RYR1: variants seen among roughly 807,000 people sequenced by gnomAD.
RYR1 encodes ryanodine receptor 1.
In RYR1, 342 loss-of-function variants were observed where a neutral mutation model predicts 583.5. The observed-to-expected ratio is 0.59, with a 90% CI of 0.54 to 0.64. RYR1 has a LOEUF of 0.64. Among genes scored for constraint, RYR1 ranks in the 30% least tolerant of loss-of-function variants. The pLI, the probability that RYR1 is intolerant of heterozygous loss-of-function variation, is 0.00. For missense variants in RYR1, 6,032 were observed against 6,917.2 expected (o/e 0.87, Z 4.54); for synonymous variants, 2,791 against 2,822.5 (o/e 0.99, Z 0.35).
chr19:38,517,293 G>A lies in RYR1; in HGVS notation c.9686-66G>A, dbSNP rs928170128. The A allele has an allele frequency of 1.1e-5, 16 of 1,520,858 alleles. No homozygotes were observed. The African/African-American group carries it at 1.8e-4, about 17-fold the overall frequency. 94.2% of individuals were successfully genotyped at this position (1,520,858 alleles called of 1,614,324 possible). On this transcript the variant is annotated intron_variant, in intron 65 of 105. Transcript: ENST00000359596. ...CAATGGTGTCTGATGTATTGCGGGG[G>A]AGGCCAGGGCACTGAGGTCTGGGGG...
chr19:38,543,321 G>A lies in RYR1; in HGVS notation c.11690-26G>A. ...TCTCCCCTAGCACATGGGAGGTGCT[G>A]GATAAATGACTTTTCATCTCCCCAG... On this transcript the variant is annotated intron_variant, in intron 84 of 105. Transcript: ENST00000359596. The surrounding 1 kb of genome is among the most constrained non-coding windows in gnomAD (Gnocchi z 4.4). 1 of 1,603,770 alleles carries A rather than the reference G, an allele frequency of 6.2e-7. No individual in the cohort carries two copies. The highest frequency in any genetic ancestry group is 8.5e-7 in the Non-Finnish European group (1 of 1,170,576).
At position 38,458,184 on chromosome 19, in the gene RYR1, C is replaced by G. The variant is rs1296515481; in HGVS notation, c.2059C>G (p.Leu687Val). The change falls in exon 18 of 106, where the codon CTC becomes GTC. Residue 687 changes from leucine to valine, a missense_variant. Around this residue, in one of 11 missense-constraint regions of RYR1, gnomAD observed 2,627 missense variants for 2,961.3 expected, o/e 0.89. Coordinates refer to ENST00000359596, the MANE Select transcript of RYR1 (RefSeq NM_000540.3). ...QATHLRVGWA[L>V]TEGYTPYPGA... is the part of the protein sequence containing the mutation. The stretch of plus-strand genomic sequence containing the variant: ...CACCCACTTGCGGGTGGGCTGGGCC[C>G]TCACCGAGGGCTACACCCCCTACCC... 1 of 1,612,446 alleles carries G rather than the reference C, an allele frequency of 6.2e-7. No homozygotes were observed.
chr19:38,496,460 T>C lies in RYR1; in HGVS notation c.6715T>C (p.Phe2239Leu). 6.2e-7 allele frequency: 1 copy of C among 1,613,820 alleles called. No homozygotes were observed. ...VTSCCRFLCY[F>L]CRISRQNQRS... Reference sequence around the variant, plus strand: ...AAGCTGCTGCCGCTTCCTCTGCTATTTCTGCCGAATCAGCCGGCAGAACCA... The same window carrying C: ...AAGCTGCTGCCGCTTCCTCTGCTATCTCTGCCGAATCAGCCGGCAGAACCA... Residue 2239 changes from phenylalanine to leucine, a missense_variant, in exon 41 of 106, where the codon TTC (phenylalanine) becomes CTC (leucine). This residue lies in a region of RYR1 where 2,627 missense variants were observed against 2,961.3 expected (regional missense o/e 0.89). Transcript: ENST00000359596. The surrounding 1 kb of genome is among the most constrained non-coding windows in gnomAD (Gnocchi z 4.8).
At chr19:38,559,200 T>A (rs1001537115) in intron 89 of RYR1, among the ~76,000 whole-genome samples, 2 of 150,042 alleles carry the variant, frequency 1.3e-5, no homozygotes, top group African/African-American at 4.9e-5. Context: ...GGTGATAGTG[T>A]CCCAGGCGCC....
In RYR1 at chr19:38,451,978, T is replaced by G. The variant is rs1302037213; in HGVS notation, c.1244+93T>G. On this transcript the variant is annotated intron_variant, in intron 12 of 105. Transcript: ENST00000359596. ...TGGCCTCTTTCATCTCTACCTCTGT[T>G]GCCCACACCCTTGTCTAACATATAC... 3.2e-6 allele frequency: 5 copies of G among 1,557,712 alleles called. No homozygotes were observed. The East Asian group carries it at 1.1e-4, about 35-fold the overall frequency.
chr19:38,500,869 A>G lies in RYR1; in HGVS notation c.7493A>G (p.His2498Arg). 6.2e-7 allele frequency: 1 copy of G among 1,606,544 alleles called. No homozygotes were observed. Among genetic ancestry groups the G allele is most frequent in the South Asian group, 1.1e-5 (1 of 90,862 alleles). The part of the protein sequence containing the change: ...PKMSASFVPD[H>R]KASMVLFLDR... ...ATGTCAGCATCCTTCGTGCCGGACCACAAGGCGTCCATGGTGCTCTTCCTG... is the reference window on the plus strand; with the variant it reads ...ATGTCAGCATCCTTCGTGCCGGACCGCAAGGCGTCCATGGTGCTCTTCCTG... The change falls in exon 47 of 106, where the codon CAC (histidine) becomes CGC (arginine). Residue 2498 changes from histidine (H) to arginine (R), a missense_variant. Transcript: ENST00000359596. This position sits in a 1 kb window ranked among gnomAD's most constrained non-coding sequence, Gnocchi z 5.9.
chr19:38,482,697 A>G (rs1969071811), intron 31 of RYR1, among the ~76,000 whole-genome samples: 1 of 151,938 alleles, frequency 6.6e-6, no homozygotes, highest in South Asian at 2.1e-4. Context: ...TGACCCTCCC[A>G]CTTCAGCCTC....
chr19:38,477,734 G>T lies in RYR1; in HGVS notation c.4318G>T (p.Ala1440Ser), dbSNP rs1037124193. 1.9e-6 allele frequency: 3 copies of T among 1,614,046 alleles called. No homozygotes were observed. The highest frequency in any genetic ancestry group is 2.7e-5 in the African/African-American group (2 of 74,908). The stretch of plus-strand genomic sequence containing the variant: ...GTACTATTACTCCGTGAGGGTCTTT[G>T]CTGGACAGGAGCCCAGCTGCGTGTG... ...TTYYYSVRVF[A>S]GQEPSCVWAG... The change falls in exon 30 of 106, where the codon GCT becomes TCT. Residue 1440 changes from alanine (A) to serine (S), a missense_variant. By Grantham distance (99) the Ala-to-Ser change is moderately conservative (BLOSUM62 1). Around this residue, in one of 11 missense-constraint regions of RYR1, gnomAD observed 2,627 missense variants for 2,961.3 expected, o/e 0.89. Transcript: ENST00000359596.
chr19:38,480,293 C>T (rs1968943499), intron 31 of RYR1, among the ~76,000 whole-genome samples: 1 of 151,894 alleles, frequency 6.6e-6, no homozygotes, highest in African/African-American at 2.4e-5. Flanking sequence ...CAGGTATGCA[C>T]CACCATGCCT....
intron 66 of RYR1, among the ~76,000 whole-genome samples, chr19:38,518,950 A>G (rs1309122368): frequency 3.3e-5 from 5 of 151,026 alleles, no homozygotes; most frequent in Admixed American, 1.3e-4. Flanking sequence ...AAAGTTAGGT[A>G]ACAGGTGAGG....
In RYR1 at chr19:38,567,814, C is replaced by G. The variant is rs1973514793; in HGVS notation, c.13556C>G (p.Pro4519Arg). The G allele has an allele frequency of 6.2e-7, 1 of 1,613,958 alleles. No homozygotes were observed. The highest frequency in any genetic ancestry group is 1.3e-5 in the African/African-American group (1 of 74,934). The change falls in exon 93 of 106, where the codon CCA becomes CGA. Residue 4519 changes from proline to arginine, a missense_variant. Pro to Arg is a moderately radical substitution (Grantham distance 103, BLOSUM62 -2). Transcript: ENST00000359596. ...AAGGAAGAAGTTCCCGAGCCCACAC[C>G]AGAGCCCCCCAAGAAGCAAGCACCT... ...GEKEEVPEPT[P>R]EPPKKQAPPS...
intron 29 of RYR1, among the ~76,000 whole-genome samples, chr19:38,477,225 C>T (rs1019721777): frequency 6.6e-6 from 1 of 152,126 alleles, no homozygotes; most frequent in African/African-American, 2.4e-5. Flanking sequence ...TCACTGCAAC[C>T]TCTGCCTCCC....
intron 1 of RYR1, 67 bp downstream of exon 1, chr19:38,433,941 C>G (rs1246647231): frequency 3.7e-6 from 5 of 1,363,026 alleles, no homozygotes; most frequent in Non-Finnish European, 4.2e-6. Context: ...CTCTCTGTCT[C>G]TGAATGTCCC....
At chr19:38,546,971 A>T (rs2145786204) in intron 88 of RYR1, among the ~76,000 whole-genome samples, 1 of 150,780 alleles carries the variant, frequency 6.6e-6, no homozygotes, top group East Asian at 2.0e-4. Context: ...AACCCCAAAA[A>T]CAAACCAAAT....
chr19:38,525,585 C>T, intron 71 of RYR1, 83 bp downstream of exon 71: 1 of 1,446,544 alleles, frequency 6.9e-7, no homozygotes, highest in Admixed American at 1.9e-5. Context: ...GGAACAACCA[C>T]AATGCCACTG....
intron 20 of RYR1, among the ~76,000 whole-genome samples, chr19:38,463,141 G>GGCCCC (rs1967858844): frequency 3.0e-5 from 1 of 32,960 alleles, no homozygotes; most frequent in African/African-American, 2.1e-4. Context: ...CAGGCGATCT[G>GGCCCC]CCCCCCCCCC....
At chr19:38,460,689 T>G (rs2145419853) in intron 20 of RYR1, 98 bp downstream of exon 20, 4 of 1,201,764 alleles carry the variant, frequency 3.3e-6, no homozygotes, top group Non-Finnish European at 4.8e-6. Flanking sequence ...ATCCCAGCAC[T>G]TTGGATGGCC....
At chr19:38,448,244 C>A (rs558267348) in intron 9 of RYR1, 111 bp from the exon 10 acceptor site, 82 of 1,241,696 alleles carry the variant, frequency 6.6e-5, no homozygotes, top group South Asian at 6.4e-4. Flanking sequence ...TCAGCTTGGG[C>A]AACATAGCAA....
At position 38,561,755 on chromosome 19, in the gene RYR1, C is replaced by T. The variant is rs543270143; in HGVS notation, c.12624+301C>T. Among the ~76,000 whole-genome samples, 15 of 152,260 alleles carry T rather than the reference C, an allele frequency of 9.9e-5. No homozygotes were observed. Among genetic ancestry groups the T allele is most frequent in the African/African-American group, 3.1e-4 (13 of 41,560 alleles). ...CACACGCCATGCTTTCCCCTTACAC[C>T]CACACCCTGGGAGCTCTGGCAGGCC... is the stretch of plus-strand genomic sequence containing the variant. On this transcript the variant is annotated intron_variant, in intron 90 of 105. Transcript: ENST00000359596. The surrounding 1 kb of genome is among the most constrained non-coding windows in gnomAD (Gnocchi z 4.8).
Sources: gnomAD v4.1 joint callset for allele counts (sites outside exome capture counted in the v4.1 genomes callset) on GRCh38, gnomAD v4.1.1 for gene constraint, gnomAD v4.1.1 regional missense constraint, Gnocchi (gnomAD v3.1) non-coding constraint, MANE v1.5 for transcripts, NCBI Gene and HGNC (gene_info 2026-07-23, HGNC 2026-07-21) for gene names.